The following RANBP17 variants were observed in gnomAD, a reference collection of about 807,000 sequenced individuals.
RANBP17 encodes the protein RAN binding protein 17, also known as ran-binding protein 17.
Under a neutral mutation model 141.2 loss-of-function variants are expected in RANBP17, and 158 were observed. The ratio of observed to expected loss-of-function variants is 1.12; its 90% confidence interval spans 0.98 to 1.28. The LOEUF is 1.28. Ranked by LOEUF, RANBP17 falls within the 50% of genes most tolerant of loss-of-function variation. RANBP17 has a pLI of 0.00. For missense variants in RANBP17, 1,438 were observed against 1,290.7 expected, an observed-to-expected ratio of 1.11 and a Z score of -1.75; for synonymous variants, 430 against 450.0, an observed-to-expected ratio of 0.96 and a Z score of 0.56.
chr5:170,992,364 G>A (rs1315928119), intron 14 of RANBP17, among the ~76,000 whole-genome samples: 3 of 151,972 alleles, frequency 2.0e-5, no homozygotes, highest in Admixed American at 2.0e-4. Context: ...TAATCAGTGT[G>A]TTATGCCAAC....
At chr5:171,160,891 C>G (rs1421632764) in intron 14 of RANBP17, among the ~76,000 whole-genome samples, 2 of 152,080 alleles carry the variant, frequency 1.3e-5, no homozygotes, top group Non-Finnish European at 2.9e-5. Flanking sequence ...CTCCTGGGTT[C>G]AAGTGATTCT....
intron 14 of RANBP17, among the ~76,000 whole-genome samples, chr5:171,099,494 G>A (rs920861603): frequency 1.3e-5 from 2 of 152,178 alleles, no homozygotes; most frequent in African/African-American, 2.4e-5. Flanking sequence ...GGCTTAAGGA[G>A]ATTTTGGGCT....
Position 170,881,809 on chromosome 5 carries a change from T to C in RANBP17, c.169T>C (p.Ser57Pro). 1 of 1,582,830 alleles carries C rather than the reference T, an allele frequency of 6.3e-7. No individual in the cohort carries two copies. The highest frequency in any genetic ancestry group is 1.2e-5 in the South Asian group (1 of 84,512). ...CQLLLEQGTTSYAQLLAATCL... is the reference protein window; with the variant it reads ...CQLLLEQGTTPYAQLLAATCL... ...TAAATAAAATTATTCTTTACAGACA[T>C]CCTATGCTCAGCTCCTTGCAGCAAC... is the stretch of plus-strand genomic sequence containing the variant. The change falls in exon 3 of 28, where the codon TCC (serine) becomes CCC (proline). Residue 57 changes from serine to proline, a missense_variant. By Grantham distance (74) the Ser-to-Pro change is moderately conservative. Transcript: ENST00000523189.
chr5:170,983,267 T>G, intron 14 of RANBP17: 1 of 264,484 alleles, frequency 3.8e-6, no homozygotes, highest in Non-Finnish European at 7.3e-6. Context: ...TTTGTTTTGT[T>G]ATTTTTCTTT....
chr5:171,251,861 G>A (rs1765588244), intron 24 of RANBP17: 2 of 1,395,120 alleles, frequency 1.4e-6, no homozygotes, highest in African/African-American at 1.4e-5. Context: ...TGTACCATGA[G>A]TGCCAATGCT....
chr5:170,902,330 T>A (rs1285887006), intron 5 of RANBP17, among the ~76,000 whole-genome samples: 1 of 152,212 alleles, frequency 6.6e-6, no homozygotes, highest in Non-Finnish European at 1.5e-5. Flanking sequence ...GATGTTTGTG[T>A]ATGCTTCACA....
At chr5:171,273,823 T>C (rs1009741321) in intron 25 of RANBP17, among the ~76,000 whole-genome samples, 3 of 152,230 alleles carry the variant, frequency 2.0e-5, no homozygotes, top group Admixed American at 6.5e-5. Flanking sequence ...TTTAAACTTC[T>C]GAAGCATACT....
chr5:171,233,229 A>G (rs1462591733), intron 22 of RANBP17, among the ~76,000 whole-genome samples: 1 of 152,210 alleles, frequency 6.6e-6, no homozygotes. Flanking sequence ...AAAGAAAGAA[A>G]GAAAATAGAT....
At chr5:171,031,276 G>A (rs950935240) in intron 14 of RANBP17, among the ~76,000 whole-genome samples, 1 of 151,942 alleles carries the variant, frequency 6.6e-6, no homozygotes, top group Non-Finnish European at 1.5e-5. Flanking sequence ...CTAGCTGATT[G>A]TACCTTACTG....
chr5:171,231,310 A>G (rs957605230), intron 22 of RANBP17, among the ~76,000 whole-genome samples: 3 of 151,948 alleles, frequency 2.0e-5, no homozygotes, highest in Non-Finnish European at 4.4e-5. Context: ...TACCTTTCCT[A>G]TCTCAACATG....
intron 14 of RANBP17, among the ~76,000 whole-genome samples, chr5:171,083,559 G>T (rs1372207559): frequency 6.6e-6 from 1 of 152,192 alleles, no homozygotes; most frequent in Non-Finnish European, 1.5e-5. Flanking sequence ...AACTGTGCAT[G>T]TCAACTTCTA....
At chr5:171,011,002 C>T (rs939373854) in intron 14 of RANBP17, among the ~76,000 whole-genome samples, 2 of 152,040 alleles carry the variant, frequency 1.3e-5, no homozygotes, top group Non-Finnish European at 2.9e-5. Context: ...TAATACCACT[C>T]TTACATAAAC....
intron 12 of RANBP17, among the ~76,000 whole-genome samples, chr5:170,930,960 G>A (rs998733887): frequency 3.9e-5 from 6 of 152,148 alleles, no homozygotes; most frequent in Admixed American, 2.0e-4. Flanking sequence ...GTTATTTCTA[G>A]TTCTAGATCC....
chr5:171,122,886 C>A (rs1756143837), intron 14 of RANBP17, among the ~76,000 whole-genome samples: 1 of 152,194 alleles, frequency 6.6e-6, no homozygotes, highest in Non-Finnish European at 1.5e-5. Flanking sequence ...ACCTGGAGCC[C>A]TACTGGCATC....
chr5:170,899,230 C>CTT (rs1770408081), intron 5 of RANBP17, among the ~76,000 whole-genome samples: 1 of 152,076 alleles, frequency 6.6e-6, no homozygotes, highest in African/African-American at 2.4e-5. Flanking sequence ...TGAAGAGGTC[C>CTT]TTTACATCCC....
At chr5:171,241,641 G>A (rs745677662) in intron 23 of RANBP17, among the ~76,000 whole-genome samples, 3 of 152,162 alleles carry the variant, frequency 2.0e-5, no homozygotes, top group Non-Finnish European at 4.4e-5. Flanking sequence ...AAATTACAAA[G>A]TAGAAACTTG....
At chr5:170,869,406 C>T (rs1184089935) in intron 1 of RANBP17, among the ~76,000 whole-genome samples, 3 of 150,314 alleles carry the variant, frequency 2.0e-5, no homozygotes, top group Admixed American at 6.7e-5. Flanking sequence ...CCTACTGCCT[C>T]AGCCTACTGA....
intron 12 of RANBP17, among the ~76,000 whole-genome samples, chr5:170,931,543 C>T (rs1773381739): frequency 6.6e-6 from 1 of 152,144 alleles, no homozygotes; most frequent in East Asian, 1.9e-4. Flanking sequence ...GGTTTTAGGT[C>T]TAACATGTAA....
At chr5:170,957,836 AC>A (rs1775839461) in intron 13 of RANBP17, among the ~76,000 whole-genome samples, 1 of 152,192 alleles carries the variant, frequency 6.6e-6, no homozygotes, top group South Asian at 2.1e-4. Flanking sequence ...CAAGTCAACA[AC>A]ATATTTGAAA....
Sources: allele counts gnomAD v4.1 joint callset (sites outside exome capture counted in the v4.1 genomes callset), GRCh38; gene constraint gnomAD v4.1.1; transcripts MANE v1.5; gene names NCBI Gene and HGNC (gene_info 2026-07-23, HGNC 2026-07-21).